Variants in NSUN6 observed in about 807,000 individuals in gnomAD.
The protein encoded by NSUN6 is tRNA (cytosine(72)-C(5))-methyltransferase NSUN6.
Under a neutral mutation model 58.0 loss-of-function variants are expected in NSUN6, and 64 were observed. The ratio of observed to expected loss-of-function variants is 1.10; its 90% CI spans 0.90 to 1.36. The LOEUF (loss-of-function observed/expected upper bound fraction) is 1.36, where lower values mean the gene tolerates loss of function less well. NSUN6 is among the 40% of genes most tolerant of loss of function. NSUN6 has a pLI of 0.00. For missense variants in NSUN6, 701 were observed against 550.1 expected (o/e 1.27, Z -2.74); for synonymous variants, 231 against 193.9 (o/e 1.19, Z -1.59).
intron 8 of NSUN6, among the ~76,000 whole-genome samples, chr10:18,563,323 T>C (rs533776589): frequency 2.0e-5 from 3 of 149,886 alleles, no homozygotes; most frequent in East Asian, 2.0e-4. Context: ...GAGAATGTAA[T>C]TGATTACAGA....
chr10:18,645,622 A>G (rs978414724), intron 2 of NSUN6, among the ~76,000 whole-genome samples: 2 of 152,146 alleles, frequency 1.3e-5, no homozygotes, highest in African/African-American at 2.4e-5. Flanking sequence ...TTGTTTATCT[A>G]CTTAAGAGCT....
intron 6 of NSUN6, among the ~76,000 whole-genome samples, chr10:18,602,851 GCAT>G (rs1262740410): frequency 3.9e-5 from 6 of 152,158 alleles, no homozygotes; most frequent in Non-Finnish European, 8.8e-5. Context: ...AGTTACTCTT[GCAT>G]AGTATTCCAT....
At chr10:18,622,249 C>A (rs531072750) in intron 3 of NSUN6, among the ~76,000 whole-genome samples, 1 of 152,244 alleles carries the variant, frequency 6.6e-6, no homozygotes, top group Admixed American at 6.5e-5. Flanking sequence ...CAAAGAGCTA[C>A]CCACTTGCTT....
intron 8 of NSUN6, among the ~76,000 whole-genome samples, chr10:18,578,514 G>T (rs531872546): frequency 6.6e-6 from 1 of 152,190 alleles, no homozygotes; most frequent in East Asian, 1.9e-4. Context: ...TCTGGCTCAG[G>T]GGAAAGGGCT....
At chr10:18,626,983 C>A (rs2058834433) in intron 3 of NSUN6, among the ~76,000 whole-genome samples, 1 of 152,152 alleles carries the variant, frequency 6.6e-6, no homozygotes, top group Non-Finnish European at 1.5e-5. Flanking sequence ...CTTAAAATTA[C>A]AAATTGATTT....
At chr10:18,651,893 A>G (rs556587918), upstream of NSUN6, 5 of 985,414 alleles carry the variant, frequency 5.1e-6, no homozygotes, top group African/African-American at 8.7e-5. Flanking sequence ...GTTGAGTGGA[A>G]GATGTTGCTG....
In NSUN6 at chr10:18,545,867, T is replaced by TAAAAAAA; in HGVS notation, c.*65_*66insTTTTTTT. 1 of 244,584 alleles carries TAAAAAAA rather than the reference T, an allele frequency of 4.1e-6. No homozygotes were observed. The highest frequency in any genetic ancestry group is 2.1e-4 in the East Asian group (1 of 4,818). 15.2% of individuals were successfully genotyped at this position (244,584 alleles called of 1,614,324 possible). A position where few individuals can be genotyped will look rare whatever the true frequency, so the allele number is the denominator to read the frequency against. On this transcript the variant is annotated 3_prime_UTR_variant, in exon 11 of 11. Transcript: ENST00000377304. ...TTCAGTTGGCCTGACAACACTTTGG[T>TAAAAAAA]TAAAAAAAAAAAAACCACAGACAGC...
At chr10:18,637,425 A>G (rs1486553752) in intron 3 of NSUN6, among the ~76,000 whole-genome samples, 2 of 152,270 alleles carry the variant, frequency 1.3e-5, no homozygotes, top group African/African-American at 4.8e-5. Flanking sequence ...TTAAAGCCAC[A>G]TAAAAGTAAG....
chr10:18,622,582 C>G (rs1410948767), intron 3 of NSUN6, among the ~76,000 whole-genome samples: 1 of 152,182 alleles, frequency 6.6e-6, no homozygotes. Context: ...AGCGTGGTGG[C>G]AGACGCCTGT....
intron 6 of NSUN6, 45 bp downstream of exon 6, chr10:18,609,800 G>A (rs1564796454): frequency 3.0e-6 from 3 of 1,009,562 alleles, no homozygotes; most frequent in Non-Finnish European, 4.7e-6. Context: ...ATTCACTGAT[G>A]TATGTTTCAA....
At chr10:18,572,129 C>CCATTCCCTTCCATTCTCCATTCCACTCCA (rs1420406237) in intron 8 of NSUN6, among the ~76,000 whole-genome samples, 1 of 151,730 alleles carries the variant, frequency 6.6e-6, no homozygotes, top group African/African-American at 2.4e-5. Flanking sequence ...AGTTCAATCT[C>CCATTCCCTTCCATTCTCCATTCCACTCCA]CATTCCCTTC....
upstream of NSUN6, among the ~76,000 whole-genome samples, chr10:18,657,637 C>T (rs916988049): frequency 7.2e-5 from 11 of 151,816 alleles, no homozygotes; most frequent in African/African-American, 2.4e-4. Flanking sequence ...TTTTTTTAGA[C>T]GGAGTCTCAC....
chr10:18,581,991 G>A (rs566310850), intron 8 of NSUN6, among the ~76,000 whole-genome samples: 95 of 152,194 alleles, frequency 6.2e-4, no homozygotes, highest in African/African-American at 2.3e-3. Context: ...GTCTGGATCT[G>A]GACCCCTTTC....
At chr10:18,633,497 T>C in intron 3 of NSUN6, among the ~76,000 whole-genome samples, 1 of 152,018 alleles carries the variant, frequency 6.6e-6, no homozygotes, top group Non-Finnish European at 1.5e-5. Flanking sequence ...ACAGCTATAA[T>C]CCCGATGATG....
intron 2 of NSUN6, among the ~76,000 whole-genome samples, chr10:18,648,174 C>T (rs1347900758): frequency 6.6e-6 from 1 of 152,176 alleles, no homozygotes; most frequent in East Asian, 1.9e-4. Context: ...CACAAAGCCA[C>T]AGGTTTTTAA....
chr10:18,548,294 G>T, intron 9 of NSUN6, 57 bp from the exon 10 acceptor site: 4 of 1,454,622 alleles, frequency 2.7e-6, no homozygotes, highest in South Asian at 1.3e-5. Context: ...ACATATGAAT[G>T]AATTTCAAAG....
At chr10:18,604,092 G>C (rs2057956581) in intron 6 of NSUN6, among the ~76,000 whole-genome samples, 1 of 152,144 alleles carries the variant, frequency 6.6e-6, no homozygotes, top group Non-Finnish European at 1.5e-5. Context: ...TGAAGCAGGA[G>C]AATCACTTGA....
At chr10:18,658,625 T>C (rs2059804171), upstream of NSUN6, 5 of 965,336 alleles carry the variant, frequency 5.2e-6, no homozygotes, top group African/African-American at 3.5e-5. Context: ...GTTATTATTA[T>C]GTGTTATTAT....
chr10:18,618,976 G>C (rs1384488422), intron 3 of NSUN6, among the ~76,000 whole-genome samples: 4 of 152,158 alleles, frequency 2.6e-5, no homozygotes, highest in African/African-American at 9.6e-5. Flanking sequence ...TTTGTCTACA[G>C]CCATATCACT....
Sources: gnomAD v4.1 joint callset for allele counts (sites outside exome capture counted in the v4.1 genomes callset) on GRCh38, gnomAD v4.1.1 for gene constraint, MANE v1.5 for transcripts, NCBI Gene and HGNC (gene_info 2026-07-23, HGNC 2026-07-21) for gene names.